Variants in ABCG5 observed in about 807,000 individuals in gnomAD.
ABCG5 encodes ATP binding cassette subfamily G member 5.
In ABCG5, 64 loss-of-function variants were observed where a neutral mutation model predicts 64.5. That is an observed-to-expected ratio of 0.99 (90% CI 0.81 to 1.22). ABCG5 has a LOEUF of 1.22. Among genes scored for constraint, ABCG5 ranks in the 50% most tolerant of loss-of-function variants. ABCG5 has a pLI of 0.00. For missense variants in ABCG5, 908 were observed against 829.5 expected, an observed-to-expected ratio of 1.09 and a Z score of -1.16; for synonymous variants, 385 against 326.3, an observed-to-expected ratio of 1.18 and a Z score of -1.94.
chr2:43,820,334 G>A (rs1427627826), intron 10 of ABCG5, among the ~76,000 whole-genome samples: 1 of 152,120 alleles, frequency 6.6e-6, no homozygotes, highest in Non-Finnish European at 1.5e-5. Flanking sequence ...CCCTTTCACG[G>A]CTCCTTCAGC....
chr2:43,835,607 A>G (rs1240678528), intron 2 of ABCG5, among the ~76,000 whole-genome samples: 2 of 152,174 alleles, frequency 1.3e-5, no homozygotes, highest in African/African-American at 4.8e-5. Flanking sequence ...CCTAAAATTC[A>G]TATGTTGAAA....
chr2:43,826,450 C>G lies in ABCG5; in HGVS notation c.706G>C (p.Val236Leu), dbSNP rs978195132. ...ATTCGGTTCCTGCGAGCCAGTTCCA[C>G]CAGGAGGACGACAATCTGATTAGCA... ...MTANQIVVLLVELARRNRIVV... is the reference protein window; with the variant it reads ...MTANQIVVLLLELARRNRIVV... Residue 236 changes from valine to leucine, a missense_variant, in exon 6 of 13, where the codon GTG becomes CTG. By Grantham distance (32) the Val-to-Leu change is conservative (BLOSUM62 1). Coordinates refer to ENST00000405322, the MANE Select transcript of ABCG5 (RefSeq NM_022436.3). The G allele has an allele frequency of 3.7e-6, 6 of 1,614,022 alleles. No individual in the cohort carries two copies. Among genetic ancestry groups the G allele is most frequent in the African/African-American group, 1.3e-5 (1 of 74,914 alleles).
Position 43,838,635 on chromosome 2 carries a change from G to C in ABCG5, c.45C>G (p.Leu15=), listed in dbSNP as rs932531973. 3.1e-6 allele frequency: 5 copies of C among 1,613,546 alleles called. No homozygotes were observed. Among genetic ancestry groups the C allele is most frequent in the Non-Finnish European group, 4.2e-6 (5 of 1,179,934 alleles). ...SSLTPGGSMG[L]QVNRGSQSSL... ...AGCTCTGGGAGCCTCTGTTTACTTG[G>C]AGACCCATGGACCCTCCGGGGGTCA... Residue 15 remains leucine (L), a synonymous_variant, in exon 1 of 13, where the codon CTC becomes CTG. Transcript: ENST00000405322. The surrounding 1 kb of genome is among the most constrained non-coding windows in gnomAD (Gnocchi z 4.2).
At chr2:43,830,251 G>T (rs1248048293) in intron 4 of ABCG5, among the ~76,000 whole-genome samples, 1 of 152,222 alleles carries the variant, frequency 6.6e-6, no homozygotes, top group Admixed American at 6.5e-5. Flanking sequence ...AGAGTCCCTG[G>T]AAGGACTATT....
intron 10 of ABCG5, chr2:43,822,466 C>G: frequency 2.6e-4 from 199 of 767,568 alleles, no homozygotes; most frequent in Non-Finnish European, 2.8e-4. Flanking sequence ...GCTGCTTTCT[C>G]CCCTCCCCCA....
At chr2:43,823,421 T>C (rs1454561051) in intron 9 of ABCG5, among the ~76,000 whole-genome samples, 1 of 152,076 alleles carries the variant, frequency 6.6e-6, no homozygotes, top group South Asian at 2.1e-4. Context: ...TTCCCTCTTA[T>C]TCCCTAACAG....
chr2:43,815,903 A>G (rs1318968392), intron 11 of ABCG5, among the ~76,000 whole-genome samples: 1 of 127,180 alleles, frequency 7.9e-6, no homozygotes, highest in Non-Finnish European at 1.6e-5. Flanking sequence ...GAGTAAGAAC[A>G]GGAAAAGAAA....
chr2:43,807,510 G>A (rs1666306603), downstream of ABCG5, among the ~76,000 whole-genome samples: 1 of 151,808 alleles, frequency 6.6e-6, no homozygotes, highest in South Asian at 2.1e-4. Flanking sequence ...GGAGATCATG[G>A]CTCACTGCAA....
chr2:43,826,466 C>G lies in ABCG5; in HGVS notation c.690G>C (p.Gln230His). The G allele has an allele frequency of 6.2e-7, 1 of 1,614,188 alleles. No individual in the cohort carries two copies. The highest frequency in any genetic ancestry group is 8.5e-7 in the Non-Finnish European group (1 of 1,180,048). ...TTGLDCMTAN[Q>H]IVVLLVELAR... ...CCAGTTCCACCAGGAGGACGACAAT[C>G]TGATTAGCAGTCATGCAGTCCAGGC... is the stretch of plus-strand genomic sequence containing the variant. Residue 230 changes from glutamine (Q) to histidine (H), a missense_variant, in exon 6 of 13, where the codon CAG becomes CAC. Transcript: ENST00000405322.
At chr2:43,834,144 A>C (rs2104876079) in intron 2 of ABCG5, among the ~76,000 whole-genome samples, 1 of 152,252 alleles carries the variant, frequency 6.6e-6, no homozygotes, top group South Asian at 2.1e-4. Flanking sequence ...AGAGAGGAAA[A>C]CCCATTATAA....
intron 11 of ABCG5, among the ~76,000 whole-genome samples, chr2:43,816,647 G>C (rs1473913606): frequency 2.6e-5 from 4 of 152,160 alleles, no homozygotes. Flanking sequence ...AGGTTCAGGT[G>C]ATTCTCCTGC....
In ABCG5 at chr2:43,824,032, A is replaced by G. The variant is rs746374174; in HGVS notation, c.1205T>C (p.Phe402Ser). ...QNLIMGLFLL[F>S]FVLRVRSNVL... ...ATTGCTTCGGACCCGCAGAACGAAG[A>G]AAAGGAGGAACAAACCCATGATCAG... Residue 402 changes from phenylalanine to serine, a missense_variant, in exon 9 of 13, where the codon TTC (phenylalanine) becomes TCC (serine). Transcript: ENST00000405322. 9.9e-6 allele frequency: 16 copies of G among 1,614,118 alleles called. No homozygotes were observed. The Admixed American group carries it at 2.7e-4, about 27-fold the overall frequency.
chr2:43,814,737 T>C lies in ABCG5; in HGVS notation c.1650-148A>G, dbSNP rs1179750419. The C allele has an allele frequency of 8.5e-6, 5 of 586,908 alleles. No homozygotes were observed. In the East Asian group the frequency reaches 1.4e-4, roughly 17 times the overall value. 36.4% of individuals were successfully genotyped at this position (586,908 alleles called of 1,614,324 possible). The stretch of plus-strand genomic sequence containing the variant: ...AATGATGCTCACTATAAAAAAACCT[T>C]CAAACAACATTGAACAATATAAAGA... On this transcript the variant is annotated intron_variant, in intron 11 of 12. Transcript: ENST00000405322.
intron 2 of ABCG5, among the ~76,000 whole-genome samples, chr2:43,833,693 T>C (rs6716451): frequency 0.35 from 51,595 of 148,456 alleles, 9,637 homozygotes; most frequent in East Asian, 0.84. Flanking sequence ...CCTTTATTTA[T>C]TTATTTATTG....
chr2:43,820,501 A>G (rs926798487), intron 10 of ABCG5, among the ~76,000 whole-genome samples: 3 of 152,098 alleles, frequency 2.0e-5, no homozygotes, highest in Non-Finnish European at 4.4e-5. Context: ...CCCGCTTCCC[A>G]GCACCCCCTT....
Position 43,827,996 on chromosome 2 carries a change from C to T in ABCG5, c.621G>A (p.Leu207=), listed in dbSNP as rs146336941. 2.5e-6 allele frequency: 4 copies of T among 1,613,966 alleles called. No individual in the cohort carries two copies. Among genetic ancestry groups the T allele is most frequent in the African/African-American group, 2.7e-5 (2 of 74,916 alleles). The part of the protein sequence containing the change: ...ERRRVSIAAQ[L]LQDPKVMLFD... ...GGTGCCACTTACTAGGATCCTGGAG[C>T]AGCTGGGCTGCGATGGAGACCCGGC... Residue 207 remains leucine, a synonymous_variant, in exon 5 of 13, where the codon CTG becomes CTA. Coordinates refer to ENST00000405322, the MANE Select transcript of ABCG5 (RefSeq NM_022436.3).
At chr2:43,839,158 G>T (rs371514282), upstream of ABCG5, 1 of 1,545,810 alleles carries the variant, frequency 6.5e-7, no homozygotes, top group Non-Finnish European at 8.8e-7. Context: ...TGGTGGGCGG[G>T]TAGGAGAAAT....
In ABCG5 at chr2:43,838,309, C is replaced by T. The variant is rs956466736; in HGVS notation, c.143+228G>A. On this transcript the variant is annotated intron_variant, in intron 1 of 12. Coordinates refer to ENST00000405322, the MANE Select transcript of ABCG5 (RefSeq NM_022436.3). This position sits in a 1 kb window ranked among gnomAD's most constrained non-coding sequence, Gnocchi z 4.2. Reference sequence around the variant, plus strand: ...ACACTGGGTTGGCAGGGCACTGCTGCCACTTTGTTTATGCCCAGGCCCTTC... The same window carrying T: ...ACACTGGGTTGGCAGGGCACTGCTGTCACTTTGTTTATGCCCAGGCCCTTC... 11 of 608,218 alleles carry T rather than the reference C, an allele frequency of 1.8e-5. No homozygotes were observed. The South Asian group carries it at 2.0e-4, about 11-fold the overall frequency. 37.7% of individuals were successfully genotyped at this position (608,218 alleles called of 1,614,324 possible). A position where few individuals can be genotyped will look rare whatever the true frequency, so the allele number is the denominator to read the frequency against.
At chr2:43,836,114 G>A (rs1368139441) in intron 2 of ABCG5, among the ~76,000 whole-genome samples, 1 of 150,872 alleles carries the variant, frequency 6.6e-6, no homozygotes, top group African/African-American at 2.4e-5. Flanking sequence ...TTTTTTTTTT[G>A]CATTTTTAGT....
Sources: allele counts gnomAD v4.1 joint callset (sites outside exome capture counted in the v4.1 genomes callset), GRCh38; gene constraint gnomAD v4.1.1; non-coding constraint Gnocchi (gnomAD v3.1); transcripts MANE v1.5; gene names NCBI Gene and HGNC (gene_info 2026-07-23, HGNC 2026-07-21).